Variants in LY75 observed in about 807,000 individuals in gnomAD.
The protein encoded by LY75 is C-type lectin domain family 13 member B.
In LY75, 185 loss-of-function variants were observed where a neutral mutation model predicts 231.7. That is an observed-to-expected ratio of 0.80 (90% CI 0.71 to 0.90). The LOEUF (loss-of-function observed/expected upper bound fraction) is 0.90, where lower values mean the gene tolerates loss of function less well. Ranked by LOEUF, LY75 falls within the 40% of genes least tolerant of loss-of-function variation. The pLI, the probability that LY75 is intolerant of heterozygous loss-of-function variation, is 0.00. For missense variants in LY75, 1,947 were observed against 2,050.2 expected, an observed-to-expected ratio of 0.95 and a Z score of 0.97; for synonymous variants, 668 against 689.0, an observed-to-expected ratio of 0.97 and a Z score of 0.48.
intron 23 of LY75, among the ~76,000 whole-genome samples, chr2:159,847,312 C>A (rs1174133997): frequency 1.3e-5 from 2 of 152,172 alleles, no homozygotes; most frequent in African/African-American, 4.8e-5. Flanking sequence ...CCACGCCCAG[C>A]CTTTTTTCTC....
At chr2:159,893,783 C>A in intron 3 of LY75, 131 bp downstream of exon 3, 1 of 1,324,410 alleles carries the variant, frequency 7.6e-7, no homozygotes, top group Non-Finnish European at 1.0e-6. Flanking sequence ...CTCTTCTCCT[C>A]CAAACATACA....
intron 12 of LY75, 137 bp from the exon 13 acceptor site, chr2:159,872,730 A>T (rs1234356436): frequency 2.5e-5 from 22 of 897,950 alleles, no homozygotes; most frequent in Non-Finnish European, 3.5e-5. Flanking sequence ...GTAAATGCAC[A>T]TATACTGAGA....
At chr2:159,830,588 C>CTTTTTTTT (rs35004394) in intron 28 of LY75, among the ~76,000 whole-genome samples, 1 of 129,052 alleles carries the variant, frequency 7.7e-6, no homozygotes. Flanking sequence ...TTTTTCTATT[C>CTTTTTTTT]TTTTTTTTTT....
In LY75 at chr2:159,882,504, C is replaced by G. The variant is rs149770898; in HGVS notation, c.1055-189G>C. On this transcript the variant is annotated intron_variant, in intron 6 of 34. Transcript: ENST00000263636. ...AGGTATATATAGCATCATAGGAATT[C>G]CCGCTGGGATTCAGAAAATGATGTG... Among the ~76,000 whole-genome samples, 1,198 of 152,234 alleles carry G rather than the reference C, an allele frequency of 7.9e-3. 4 individuals are homozygous for G. Among genetic ancestry groups the G allele is most frequent in the Non-Finnish European group, 0.012 (826 of 68,026 alleles).
At chr2:159,821,422 C>T (rs1374553092) in intron 28 of LY75, among the ~76,000 whole-genome samples, 1 of 151,788 alleles carries the variant, frequency 6.6e-6, no homozygotes, top group Non-Finnish European at 1.5e-5. Flanking sequence ...TCGAGACCAG[C>T]CTGACCAACA....
intron 23 of LY75, among the ~76,000 whole-genome samples, chr2:159,849,667 A>G (rs1026627058): frequency 2.6e-5 from 4 of 152,156 alleles, no homozygotes; most frequent in Non-Finnish European, 5.9e-5. Context: ...TATATGAGAC[A>G]ATTCGCTCAT....
chr2:159,890,977 G>A (rs896078815), intron 3 of LY75, among the ~76,000 whole-genome samples: 5 of 152,114 alleles, frequency 3.3e-5, no homozygotes, highest in African/African-American at 1.2e-4. Context: ...ATATACATAT[G>A]TGTTTGTAGA....
At chr2:159,899,788 GAGC>G (rs1185921617) in intron 1 of LY75, among the ~76,000 whole-genome samples, 2 of 152,186 alleles carry the variant, frequency 1.3e-5, no homozygotes, top group Non-Finnish European at 2.9e-5. Flanking sequence ...ATTTCTGAGG[GAGC>G]AGCAGAACAG....
chr2:159,886,901 G>C (rs1685602736), intron 4 of LY75, among the ~76,000 whole-genome samples: 1 of 151,980 alleles, frequency 6.6e-6, no homozygotes, highest in Admixed American at 6.6e-5. Context: ...CAGAAGATCT[G>C]ACTGTATTCT....
At chr2:159,865,060 T>G in intron 13 of LY75, 140 bp from the exon 14 acceptor site, 1 of 610,130 alleles carries the variant, frequency 1.6e-6, no homozygotes, top group Non-Finnish European at 2.5e-6. Flanking sequence ...AACTAAGCCC[T>G]TAATGTGGGG....
At chr2:159,894,114 G>C (rs758977131) in intron 2 of LY75, 30 bp from the exon 3 acceptor site, 1 of 1,566,674 alleles carries the variant, frequency 6.4e-7, no homozygotes, top group South Asian at 1.2e-5. Flanking sequence ...GGGGAAAAGA[G>C]AGTTAAAAAC....
chr2:159,848,079 T>C (rs899225846), intron 23 of LY75, among the ~76,000 whole-genome samples: 6 of 31,262 alleles, frequency 1.9e-4, no homozygotes, highest in African/African-American at 8.0e-4. Flanking sequence ...TATATATATA[T>C]ATATATATAT....
At chr2:159,881,548 AG>A (rs1437147825) in intron 7 of LY75, among the ~76,000 whole-genome samples, 2 of 152,192 alleles carry the variant, frequency 1.3e-5, no homozygotes, top group African/African-American at 2.4e-5. Flanking sequence ...CAATTTGAAT[AG>A]AAATACTGTC....
At chr2:159,850,773 C>CATATATATAT (rs67887100) in intron 21 of LY75, among the ~76,000 whole-genome samples, 30 of 27,166 alleles carry the variant, frequency 1.1e-3, no homozygotes, top group East Asian at 4.3e-3. Context: ...TTCAAACTTT[C>CATATATATAT]ATATATATAT....
chr2:159,822,613 G>C (rs953881295), intron 28 of LY75, among the ~76,000 whole-genome samples: 1 of 152,220 alleles, frequency 6.6e-6, no homozygotes, highest in Non-Finnish European at 1.5e-5. Context: ...CAGTGTTCGA[G>C]CTCTGCTAAG....
intron 28 of LY75, among the ~76,000 whole-genome samples, chr2:159,829,252 TG>T (rs1683575728): frequency 1.3e-5 from 2 of 152,326 alleles, no homozygotes; most frequent in South Asian, 4.1e-4. Flanking sequence ...ACACACGATT[TG>T]GTTCTTGTTT....
At chr2:159,849,856 T>G (rs938519076) in intron 23 of LY75, 124 bp downstream of exon 23, 4 of 1,268,488 alleles carry the variant, frequency 3.2e-6, no homozygotes, top group Non-Finnish European at 4.3e-6. Context: ...ATCTTAGATG[T>G]GCCTATTCTG....
intron 13 of LY75, among the ~76,000 whole-genome samples, chr2:159,868,499 A>G (rs2667027): frequency 0.034 from 5,235 of 152,240 alleles, 255 homozygotes; most frequent in East Asian, 0.16. Context: ...ACTCATTTTT[A>G]TATTTTCCAA....
rs773381667 is a variant in LY75, at chr2:159,878,457, CT to C, written c.1640del (p.Lys547SerfsTer6). 2 of 1,614,072 alleles carry C rather than the reference CT, an allele frequency of 1.2e-6. No homozygotes were observed. Among genetic ancestry groups the C allele is most frequent in the East Asian group, 4.5e-5 (2 of 44,866 alleles). ...AGTATTTTCTTAGAGATTTATCATA[CT>C]TTTTCATCAAATCATTTAGGTATTC... ...EQEYLNDLMK[K>X]YDKSLRKYFW... On this transcript the variant is annotated frameshift_variant, in exon 11 of 35. Coordinates refer to ENST00000263636, the MANE Select transcript of LY75 (RefSeq NM_002349.4). LOFTEE classifies it high-confidence loss of function.
Sources: gnomAD v4.1 joint callset for allele counts (sites outside exome capture counted in the v4.1 genomes callset) on GRCh38, gnomAD v4.1.1 for gene constraint, MANE v1.5 for transcripts, NCBI Gene and HGNC (gene_info 2026-07-23, HGNC 2026-07-21) for gene names.